CSMD1: variants seen among roughly 807,000 people sequenced by gnomAD.
CSMD1 encodes CUB and Sushi multiple domains 1.
CSMD1 carries 213 observed loss-of-function variants against 417.5 expected under a neutral mutation model. The ratio of observed to expected loss-of-function variants is 0.51; its 90% CI spans 0.46 to 0.57. CSMD1 has a LOEUF of 0.57. CSMD1 is among the 20% of genes least tolerant of loss of function. The probability of loss-of-function intolerance (pLI) is 0.00; values close to 1 mark genes in which losing one functional copy is unlikely to be tolerated. For missense variants in CSMD1, 6,923 were observed against 4,529.7 expected (o/e 1.53, Z -15.17); for synonymous variants, 2,862 against 1,736.8 (o/e 1.65, Z -16.11).
At chr8:4,113,268 T>G (rs1801954291) in intron 3 of CSMD1, among the ~76,000 whole-genome samples, 1 of 152,130 alleles carries the variant, frequency 6.6e-6, no homozygotes, top group South Asian at 2.1e-4. Flanking sequence ...ATCTCTCATT[T>G]TAAATCAAAA....
chr8:4,082,570 A>G (rs1800195420), intron 3 of CSMD1, among the ~76,000 whole-genome samples: 1 of 152,076 alleles, frequency 6.6e-6, no homozygotes, highest in African/African-American at 2.4e-5. Flanking sequence ...ACCCCGCTTC[A>G]TTATGAGCCT....
At chr8:3,757,294 C>T (rs1797713190) in intron 5 of CSMD1, among the ~76,000 whole-genome samples, 1 of 152,156 alleles carries the variant, frequency 6.6e-6, no homozygotes, top group South Asian at 2.1e-4. Flanking sequence ...GTATTTCAGG[C>T]TTTATGGGTC....
At chr8:3,711,674 C>T (rs1440680864) in intron 6 of CSMD1, among the ~76,000 whole-genome samples, 1 of 152,126 alleles carries the variant, frequency 6.6e-6, no homozygotes, top group Non-Finnish European at 1.5e-5. Flanking sequence ...CTGCGGTTCT[C>T]CTGGTGGCAC....
At chr8:4,412,296 G>C (rs1375371297) in intron 3 of CSMD1, among the ~76,000 whole-genome samples, 1 of 152,010 alleles carries the variant, frequency 6.6e-6, no homozygotes. Flanking sequence ...CCATCCTCTC[G>C]GTTGCTCTCC....
chr8:3,152,990 A>G (rs1819296382), intron 39 of CSMD1, among the ~76,000 whole-genome samples: 1 of 152,336 alleles, frequency 6.6e-6, no homozygotes, highest in Non-Finnish European at 1.5e-5. Context: ...CTGGAATAGG[A>G]GCTGGATAAA....
At position 3,444,385 on chromosome 8, in the gene CSMD1, T is replaced by C. The variant is rs112257384; in HGVS notation, c.1561+24327A>G. On this transcript the variant is annotated intron_variant, in intron 12 of 69. Coordinates refer to ENST00000635120, the MANE Select transcript of CSMD1 (RefSeq NM_033225.6). ...CAACAAAGATAATACATTCCATAGATTGAAAATCATCAGACTGTTTTAAAT... is the reference window on the plus strand; with the variant it reads ...CAACAAAGATAATACATTCCATAGACTGAAAATCATCAGACTGTTTTAAAT... Among the ~76,000 whole-genome samples the C allele has an allele frequency of 9.7e-3, 1,473 of 152,284 alleles. 24 individuals are homozygous for C. Among genetic ancestry groups the C allele is most frequent in the African/African-American group, 0.031 (1,289 of 41,562 alleles).
rs138124796 is a variant in CSMD1 at position 4,849,274 on chromosome 8, T to G, written c.85+145058A>C. Among the ~76,000 whole-genome samples, 1,256 of 152,314 alleles carry G rather than the reference T, an allele frequency of 8.2e-3. 12 individuals are homozygous for G. The highest frequency in any genetic ancestry group is 0.035 in the South Asian group (168 of 4,828). ...ACACCTGTGCATGTGTTTCATATTT[T>G]AATGTGTTATTACAAAAGAGTCACA... On this transcript the variant is annotated intron_variant, in intron 1 of 69. Coordinates refer to ENST00000635120, the MANE Select transcript of CSMD1 (RefSeq NM_033225.6).
At chr8:4,794,049 A>T (rs1797841898) in intron 1 of CSMD1, among the ~76,000 whole-genome samples, 1 of 152,164 alleles carries the variant, frequency 6.6e-6, no homozygotes, top group Non-Finnish European at 1.5e-5. Context: ...CTCTTGAAAT[A>T]ATTTGCCTTA....
At chr8:4,757,901 G>T (rs1034068741) in intron 1 of CSMD1, among the ~76,000 whole-genome samples, 1 of 150,054 alleles carries the variant, frequency 6.7e-6, no homozygotes, top group Non-Finnish European at 1.5e-5. Context: ...AGCGGTTGAA[G>T]GGAGCCGACA....
At chr8:3,094,680 T>A (rs1049241579) in intron 47 of CSMD1, among the ~76,000 whole-genome samples, 1 of 151,814 alleles carries the variant, frequency 6.6e-6, no homozygotes, top group African/African-American at 2.4e-5. Context: ...TAAAAAGCAT[T>A]ATGGGATATC....
chr8:3,553,028 C>T (rs569350624), intron 10 of CSMD1, among the ~76,000 whole-genome samples: 2 of 150,904 alleles, frequency 1.3e-5, no homozygotes, highest in Admixed American at 1.3e-4. Context: ...GGTAGTTTTG[C>T]AGAAGAATAC....
At chr8:4,157,210 G>T (rs914394054) in intron 3 of CSMD1, among the ~76,000 whole-genome samples, 1 of 152,180 alleles carries the variant, frequency 6.6e-6, no homozygotes, top group East Asian at 1.9e-4. Context: ...TTACATTTCA[G>T]TGTCCACAGA....
chr8:4,983,467 G>C (rs1286952254), intron 1 of CSMD1, among the ~76,000 whole-genome samples: 1 of 152,184 alleles, frequency 6.6e-6, no homozygotes, highest in Non-Finnish European at 1.5e-5. Context: ...AGGACTTTAA[G>C]ATTTATGAAG....
chr8:4,084,063 C>A (rs2911717), intron 3 of CSMD1, among the ~76,000 whole-genome samples: 1 of 152,224 alleles, frequency 6.6e-6, no homozygotes, highest in Non-Finnish European at 1.5e-5. Context: ...AGATCAAATG[C>A]ATCAATACAT....
chr8:3,606,233 T>C (rs1801607186), intron 8 of CSMD1, among the ~76,000 whole-genome samples: 1 of 152,006 alleles, frequency 6.6e-6, no homozygotes, highest in South Asian at 2.1e-4. Context: ...CAGGATGCAG[T>C]GTGAGAAATG....
chr8:4,723,790 A>AAAC (rs1554457676), intron 1 of CSMD1, among the ~76,000 whole-genome samples: 1 of 146,828 alleles, frequency 6.8e-6, no homozygotes, highest in Admixed American at 6.7e-5. Flanking sequence ...TCGAATGTAA[A>AAAC]AAAAAAAAAA....
At chr8:4,395,049 C>T (rs1351067628) in intron 3 of CSMD1, among the ~76,000 whole-genome samples, 3 of 152,170 alleles carry the variant, frequency 2.0e-5, no homozygotes, top group African/African-American at 7.2e-5. Flanking sequence ...ATCCCTTTCC[C>T]GTGCTGGACA....
chr8:3,618,801 T>C (rs551928255), intron 7 of CSMD1, among the ~76,000 whole-genome samples: 7 of 152,328 alleles, frequency 4.6e-5, no homozygotes, highest in African/African-American at 1.7e-4. Flanking sequence ...TACTCTCCCT[T>C]GTTTCATACC....
chr8:4,811,066 T>C (rs1359548606), intron 1 of CSMD1, among the ~76,000 whole-genome samples: 1 of 152,206 alleles, frequency 6.6e-6, no homozygotes, highest in Non-Finnish European at 1.5e-5. Context: ...AGTAAAGTAA[T>C]TCGACCCTGT....
Sources: gnomAD v4.1 joint callset for allele counts (sites outside exome capture counted in the v4.1 genomes callset) on GRCh38, gnomAD v4.1.1 for gene constraint, MANE v1.5 for transcripts, NCBI Gene and HGNC (gene_info 2026-07-23, HGNC 2026-07-21) for gene names.